Variants in WDR72 observed in about 807,000 individuals in gnomAD.
The protein encoded by WDR72 is WD repeat-containing protein 72.
Under a neutral mutation model 124.2 loss-of-function variants are expected in WDR72, and 120 were observed. That is an observed-to-expected ratio of 0.97 (90% CI 0.83 to 1.12). The LOEUF is 1.12. WDR72 is among the 50% of genes most tolerant of loss of function. The probability of loss-of-function intolerance (pLI) is 0.00; values close to 1 mark genes in which losing one functional copy is unlikely to be tolerated. For missense variants in WDR72, 1,387 were observed against 1,278.8 expected, an observed-to-expected ratio of 1.08 and a Z score of -1.29; for synonymous variants, 452 against 441.7, an observed-to-expected ratio of 1.02 and a Z score of -0.29.
At chr15:53,673,594 T>C (rs1042199759) in intron 13 of WDR72, among the ~76,000 whole-genome samples, 22 of 152,174 alleles carry the variant, frequency 1.4e-4, no homozygotes, top group African/African-American at 5.1e-4. Context: ...TGTAAACCAA[T>C]GAATCTCAAA....
chr15:53,572,435 A>T (rs1894570473), intron 18 of WDR72, among the ~76,000 whole-genome samples: 2 of 151,848 alleles, frequency 1.3e-5, no homozygotes. Flanking sequence ...CCTACCTATG[A>T]TATTTTCCCC....
chr15:53,535,896 G>C (rs889119698), intron 18 of WDR72, among the ~76,000 whole-genome samples: 2 of 152,100 alleles, frequency 1.3e-5, no homozygotes, highest in African/African-American at 4.8e-5. Context: ...AGATTGACTG[G>C]TTCACACTAA....
intron 18 of WDR72, among the ~76,000 whole-genome samples, chr15:53,565,779 A>T (rs1894274050): frequency 2.0e-5 from 3 of 149,604 alleles, no homozygotes; most frequent in African/African-American, 7.3e-5. Context: ...AAAAAAAAAC[A>T]GAATTTTTGA....
rs1417373863 is a variant in WDR72 at position 53,514,558 on chromosome 15, C to G, written c.*3141G>C. ...GTATGAGAAAAGAAATAAAAGTCAC[C>G]AAATGCTATCATCTAAAGATAGAAT... On this transcript the variant is annotated 3_prime_UTR_variant, in exon 20 of 20. Coordinates refer to ENST00000360509, the MANE Select transcript of WDR72 (RefSeq NM_182758.4). 2 of 151,906 alleles carry G rather than the reference C, an allele frequency of 1.3e-5. No homozygotes were observed. Among genetic ancestry groups the G allele is most frequent in the African/African-American group, 2.4e-5 (1 of 41,364 alleles). 9.4% of individuals were successfully genotyped at this position (151,906 alleles called of 1,614,324 possible).
intron 18 of WDR72, among the ~76,000 whole-genome samples, chr15:53,569,630 G>A (rs1026213127): frequency 6.6e-6 from 1 of 151,990 alleles, no homozygotes; most frequent in African/African-American, 2.4e-5. Context: ...AAGACCAAAT[G>A]TTGAATGTGG....
At chr15:53,578,909 A>T (rs1237604426) in intron 18 of WDR72, among the ~76,000 whole-genome samples, 2 of 152,120 alleles carry the variant, frequency 1.3e-5, no homozygotes, top group Non-Finnish European at 2.9e-5. Flanking sequence ...GGTAAAATGC[A>T]TCTGGACTAG....
chr15:53,534,863 T>C (rs1892672099), intron 18 of WDR72, among the ~76,000 whole-genome samples: 2 of 152,130 alleles, frequency 1.3e-5, no homozygotes, highest in South Asian at 4.1e-4. Context: ...CTGTTTCTTC[T>C]TATGAAAGGT....
At chr15:53,693,183 T>C (rs2016896629) in intron 13 of WDR72, among the ~76,000 whole-genome samples, 1 of 152,224 alleles carries the variant, frequency 6.6e-6, no homozygotes, top group Non-Finnish European at 1.5e-5. Flanking sequence ...ATGGTATAGT[T>C]GGTCACTAGT....
At chr15:53,695,955 C>A (rs890746902) in intron 13 of WDR72, among the ~76,000 whole-genome samples, 14 of 152,156 alleles carry the variant, frequency 9.2e-5, no homozygotes, top group African/African-American at 3.4e-4. Context: ...ATACCCCATA[C>A]TCCCCAAGCT....
At chr15:53,677,375 C>G (rs2016211645) in intron 13 of WDR72, among the ~76,000 whole-genome samples, 1 of 152,190 alleles carries the variant, frequency 6.6e-6, no homozygotes, top group South Asian at 2.1e-4. Flanking sequence ...CTCTAAATAG[C>G]TGGTGATTCC....
chr15:53,615,927 G>C lies in WDR72; in HGVS notation c.2279C>G (p.Ser760Ter). 1 of 1,613,348 alleles carries C rather than the reference G, an allele frequency of 6.2e-7. No individual in the cohort carries two copies. The highest frequency in any genetic ancestry group is 1.3e-5 in the African/African-American group (1 of 74,964). The stretch of plus-strand genomic sequence containing the variant: ...CCTTTTAATGCCATCATTTTCTTCT[G>C]AGAATTTGATGGTATTATCTCCTTG... ...LAQGDNTIKFSEENDGIKRQK... is the reference protein window; with the variant it reads ...LAQGDNTIKF The change falls in exon 15 of 20, where the codon TCA becomes TGA. Residue 760 changes from serine to a stop codon, truncating the protein, a stop_gained. Coordinates refer to ENST00000360509, the MANE Select transcript of WDR72 (RefSeq NM_182758.4). LOFTEE classifies it high-confidence loss of function.
chr15:53,587,547 T>TTA (rs1419865825), intron 18 of WDR72, among the ~76,000 whole-genome samples: 1 of 152,044 alleles, frequency 6.6e-6, no homozygotes, highest in Non-Finnish European at 1.5e-5. Context: ...CCTTTAAATG[T>TTA]TATATAAATG....
At chr15:53,761,500 C>T (rs1472429032), upstream of WDR72, among the ~76,000 whole-genome samples, 1 of 152,082 alleles carries the variant, frequency 6.6e-6, no homozygotes. Context: ...TCAATATATC[C>T]AAGATCTTTT....
chr15:53,527,209 G>C (rs1472517062), intron 18 of WDR72, among the ~76,000 whole-genome samples: 2 of 152,082 alleles, frequency 1.3e-5, no homozygotes, highest in East Asian at 3.9e-4. Context: ...AGGATTTGTT[G>C]TTAAAATTAG....
At chr15:53,737,109 A>G (rs1046098956) in intron 1 of WDR72, among the ~76,000 whole-genome samples, 1 of 151,932 alleles carries the variant, frequency 6.6e-6, no homozygotes. Flanking sequence ...ATGAGCTTAC[A>G]TAGCATCTCT....
intron 2 of WDR72, among the ~76,000 whole-genome samples, chr15:53,726,258 A>C (rs200488505): frequency 1.4e-5 from 1 of 69,734 alleles, no homozygotes; most frequent in Non-Finnish European, 2.8e-5. Context: ...ATATATATGT[A>C]TGTGTGTATA....
rs549477820 is a variant in WDR72 at position 53,590,585 on chromosome 15, T to C, written c.3148+6494A>G. Among the ~76,000 whole-genome samples, 24 of 152,150 alleles carry C rather than the reference T, an allele frequency of 1.6e-4. No individual in the cohort carries two copies. In the East Asian group the frequency reaches 4.3e-3, roughly 27 times the overall value. On this transcript the variant is annotated intron_variant, in intron 18 of 19. Transcript: ENST00000360509. ...GGCACTTGGTAAATATTTGCTGAAT[T>C]AAGAAATCCAAAAGGAGAATTGTAG...
At position 53,710,950 on chromosome 15, in the gene WDR72, C is replaced by A. The variant is rs1016405852; in HGVS notation, c.861G>T (p.Gly287=). 1 of 1,612,934 alleles carries A rather than the reference C, an allele frequency of 6.2e-7. No homozygotes were observed. Among genetic ancestry groups the A allele is most frequent in the Non-Finnish European group, 8.5e-7 (1 of 1,179,440 alleles). ...CAGCAGGGTATATGCTTTTTGAAAG[C>A]CCACTGCGTGGCAAAAATAAAAAGC... The part of the protein sequence containing the change: ...HSYIYQLLNS[G]LSKSIYPADG... Residue 287 remains glycine (G), a synonymous_variant, in exon 9 of 20, where the codon GGG becomes GGT. Coordinates refer to ENST00000360509, the MANE Select transcript of WDR72 (RefSeq NM_182758.4).
chr15:53,679,539 A>G (rs1020864), intron 13 of WDR72, among the ~76,000 whole-genome samples: 90 of 152,170 alleles, frequency 5.9e-4, no homozygotes, highest in African/African-American at 2.0e-3. Flanking sequence ...CTGAGGATGG[A>G]GAGAGAGAGG....
Sources: gnomAD v4.1 joint callset for allele counts (sites outside exome capture counted in the v4.1 genomes callset) on GRCh38, gnomAD v4.1.1 for gene constraint, MANE v1.5 for transcripts, NCBI Gene and HGNC (gene_info 2026-07-23, HGNC 2026-07-21) for gene names.